USP37: variants seen among roughly 807,000 people sequenced by gnomAD.
USP37 encodes the protein ubiquitin specific peptidase 37.
A neutral mutation model predicts 124.0 loss-of-function variants in USP37; 27 were observed. That is an observed-to-expected ratio of 0.22 (90% CI 0.16 to 0.30). USP37 has a LOEUF of 0.30. USP37 is among the 10% of genes least tolerant of loss of function. The probability of loss-of-function intolerance (pLI) is 1.00; values close to 1 mark genes in which losing one functional copy is unlikely to be tolerated. For synonymous variants in USP37, 365 were observed against 388.0 expected, an observed-to-expected ratio of 0.94 and a Z score of 0.70; for missense variants, 889 against 1,140.4, an observed-to-expected ratio of 0.78 and a Z score of 3.17.
intron 4 of USP37, among the ~76,000 whole-genome samples, chr2:218,555,873 GAC>G (rs1462393592): frequency 6.6e-6 from 1 of 152,006 alleles, no homozygotes; most frequent in Non-Finnish European, 1.5e-5. Flanking sequence ...AAAAACTTGA[GAC>G]TCTCCCCAGA....
At chr2:218,523,101 C>T (rs186922024) in intron 10 of USP37, among the ~76,000 whole-genome samples, 2 of 152,244 alleles carry the variant, frequency 1.3e-5, no homozygotes, top group African/African-American at 4.8e-5. Context: ...CATGGTGAAA[C>T]CCCGTCTCTA....
At chr2:218,547,300 G>A (rs572380767) in intron 6 of USP37, among the ~76,000 whole-genome samples, 21 of 152,190 alleles carry the variant, frequency 1.4e-4, no homozygotes, top group African/African-American at 5.1e-4. Context: ...CTGCAATCTA[G>A]CCTAGGCGAC....
chr2:218,487,339 C>T (rs1036934484), intron 15 of USP37, among the ~76,000 whole-genome samples: 3 of 152,182 alleles, frequency 2.0e-5, no homozygotes, highest in Admixed American at 6.5e-5. Context: ...TACCAACTTA[C>T]GTGATATCTA....
chr2:218,455,766 A>G (rs1689665271), intron 24 of USP37, 48 bp from the exon 25 acceptor site: 1 of 1,591,340 alleles, frequency 6.3e-7, no homozygotes, highest in Non-Finnish European at 8.6e-7. Context: ...AACACACCGA[A>G]GCTGGGCGCG....
At chr2:218,542,255 G>A (rs1375231071) in intron 8 of USP37, among the ~76,000 whole-genome samples, 1 of 152,140 alleles carries the variant, frequency 6.6e-6, no homozygotes, top group African/African-American at 2.4e-5. Context: ...TCTAAGGAGT[G>A]CAAACTTAAA....
chr2:218,484,473 T>G (rs1163287933), intron 16 of USP37, among the ~76,000 whole-genome samples: 1 of 151,636 alleles, frequency 6.6e-6, no homozygotes, highest in African/African-American at 2.4e-5. Context: ...AATACAAAAA[T>G]TAGCCAGGTG....
chr2:218,494,361 T>G (rs371227637), intron 14 of USP37, among the ~76,000 whole-genome samples: 1 of 152,354 alleles, frequency 6.6e-6, no homozygotes, highest in South Asian at 2.1e-4. Flanking sequence ...ATTTAGAGAA[T>G]AGTTTTCTGG....
At chr2:218,556,941 C>T (rs183075665) in intron 4 of USP37, among the ~76,000 whole-genome samples, 2 of 152,304 alleles carry the variant, frequency 1.3e-5, no homozygotes, top group Non-Finnish European at 2.9e-5. Flanking sequence ...GGCTGGAGTG[C>T]GGTGGCATGA....
chr2:218,555,680 C>T (rs1440074252), intron 4 of USP37, among the ~76,000 whole-genome samples: 2 of 152,158 alleles, frequency 1.3e-5, no homozygotes, highest in Non-Finnish European at 2.9e-5. Context: ...AGTAACTATT[C>T]ATATGGTAAC....
At chr2:218,546,357 C>A in intron 7 of USP37, 59 bp from the exon 8 acceptor site, 1 of 1,164,432 alleles carries the variant, frequency 8.6e-7, no homozygotes, top group Middle Eastern at 2.4e-4. Flanking sequence ...CACAAAAATT[C>A]ATAAATCAAC....
chr2:218,494,786 T>C (rs1420609418), intron 14 of USP37, among the ~76,000 whole-genome samples: 4 of 152,212 alleles, frequency 2.6e-5, no homozygotes, highest in Non-Finnish European at 1.5e-5. Context: ...GTGCAGGCTA[T>C]AGAAGTCCTG....
chr2:218,490,741 G>A (rs1033257688), intron 14 of USP37, among the ~76,000 whole-genome samples: 2 of 152,162 alleles, frequency 1.3e-5, no homozygotes, highest in African/African-American at 4.8e-5. Context: ...TGATAATGAT[G>A]AGCTGTCACG....
intron 20 of USP37, among the ~76,000 whole-genome samples, 167 bp downstream of exon 20, chr2:218,474,463 C>T (rs1270088564): frequency 2.0e-5 from 3 of 152,078 alleles, no homozygotes; most frequent in East Asian, 3.9e-4. Context: ...CCGGTTCAAG[C>T]GAATTCTCCT....
At chr2:218,506,244 G>A (rs181585210) in intron 11 of USP37, among the ~76,000 whole-genome samples, 25 of 145,702 alleles carry the variant, frequency 1.7e-4, no homozygotes, top group Middle Eastern at 3.6e-3. Context: ...TAATATGGGT[G>A]TATTCTTTGC....
chr2:218,555,080 G>T (rs1692887746), intron 4 of USP37, among the ~76,000 whole-genome samples: 1 of 152,268 alleles, frequency 6.6e-6, no homozygotes, highest in East Asian at 1.9e-4. Flanking sequence ...GTGCTATGAA[G>T]CGATAACTTT....
chr2:218,482,899 T>G (rs187666495), intron 16 of USP37, among the ~76,000 whole-genome samples: 1 of 152,302 alleles, frequency 6.6e-6, no homozygotes, highest in Non-Finnish European at 1.5e-5. Context: ...ACACGATCTC[T>G]GCTTGATGGA....
At chr2:218,529,860 C>T in intron 10 of USP37, 96 bp downstream of exon 10, 1 of 887,746 alleles carries the variant, frequency 1.1e-6, no homozygotes, top group Non-Finnish European at 1.7e-6. Flanking sequence ...TTATCATATT[C>T]ACTTAAGAGG....
At chr2:218,493,063 T>C (rs1205446446) in intron 14 of USP37, among the ~76,000 whole-genome samples, 3 of 152,118 alleles carry the variant, frequency 2.0e-5, no homozygotes, top group Non-Finnish European at 4.4e-5. Context: ...ATACACTGAA[T>C]TGCCTTATAT....
chr2:218,462,716 A>AT (rs1449530129), intron 22 of USP37, among the ~76,000 whole-genome samples: 1 of 152,114 alleles, frequency 6.6e-6, no homozygotes, highest in Non-Finnish European at 1.5e-5. Context: ...ATTAAAAAAC[A>AT]TATTGTTAGA....
Sources: allele counts gnomAD v4.1 joint callset (sites outside exome capture counted in the v4.1 genomes callset), GRCh38; gene constraint gnomAD v4.1.1; transcripts MANE v1.5; gene names NCBI Gene and HGNC (gene_info 2026-07-23, HGNC 2026-07-21).